Variants in CDH18 observed in about 807,000 individuals in gnomAD.
The protein encoded by CDH18 is cadherin-18.
In CDH18, 31 loss-of-function variants were observed where a neutral mutation model predicts 67.9. That is an observed-to-expected ratio of 0.46 (90% CI 0.34 to 0.62). The LOEUF (loss-of-function observed/expected upper bound fraction) is 0.62, where lower values mean the gene tolerates loss of function less well. Ranked by LOEUF, CDH18 falls within the 20% of genes least tolerant of loss-of-function variation. The pLI, the probability that CDH18 is intolerant of heterozygous loss-of-function variation, is 0.01. For missense variants in CDH18, 890 were observed against 975.5 expected, an observed-to-expected ratio of 0.91 and a Z score of 1.17; for synonymous variants, 362 against 347.2, an observed-to-expected ratio of 1.04 and a Z score of -0.48.
intron 1 of CDH18, among the ~76,000 whole-genome samples, chr5:20,373,641 A>G (rs1254137541): frequency 6.9e-6 from 1 of 145,536 alleles, no homozygotes. Flanking sequence ...TGAAAAATAA[A>G]TATAAATAAA....
chr5:19,548,481 G>A (rs984347994), intron 8 of CDH18, among the ~76,000 whole-genome samples: 4 of 151,864 alleles, frequency 2.6e-5, no homozygotes, highest in Admixed American at 6.6e-5. Flanking sequence ...ACTTAAATGC[G>A]TATATGAGTT....
chr5:20,104,397 C>T (rs1337753062), intron 2 of CDH18, among the ~76,000 whole-genome samples: 2 of 152,040 alleles, frequency 1.3e-5, no homozygotes, highest in African/African-American at 2.4e-5. Flanking sequence ...TGTAGGGATA[C>T]ATCTTAGCAT....
intron 2 of CDH18, among the ~76,000 whole-genome samples, chr5:20,181,553 CAT>C (rs1462992569): frequency 6.6e-6 from 1 of 152,074 alleles, no homozygotes; most frequent in Non-Finnish European, 1.5e-5. Context: ...TCCCCTGAAT[CAT>C]AGGAAATAAG....
chr5:20,453,745 T>G (rs145842667), intron 1 of CDH18, among the ~76,000 whole-genome samples: 1 of 152,164 alleles, frequency 6.6e-6, no homozygotes, highest in Non-Finnish European at 1.5e-5. Context: ...AATTAACAGC[T>G]CAGCTGTCAT....
rs549835339 is a variant in CDH18, at chr5:20,234,023, C to T, written c.-518+21421G>A. Among the ~76,000 whole-genome samples, 5 of 150,930 alleles carry T rather than the reference C, an allele frequency of 3.3e-5. No individual in the cohort carries two copies. In the East Asian group the frequency reaches 9.7e-4, roughly 29 times the overall value. ...CTGTTTCTCTCTTTTTTCCCAAACT[C>T]ACATGTACCATAATAACAACACTTT... is the stretch of plus-strand genomic sequence containing the variant. On this transcript the variant is annotated intron_variant, in intron 2 of 14. Coordinates refer to the CDH18 transcript ENST00000507958.
chr5:19,472,484 T>C lies in CDH18; in HGVS notation c.*742A>G, dbSNP rs112922669. On this transcript the variant is annotated 3_prime_UTR_variant, in exon 13 of 13. Coordinates refer to ENST00000382275, the MANE Select transcript of CDH18 (RefSeq NM_004934.5). ...AACATACCTTAAACTATTCTTTCTG[T>C]CCATTTAAAAATAGGAGTATCCCAT... Among the ~76,000 whole-genome samples the C allele has an allele frequency of 0.019, 2,844 of 152,260 alleles. 86 individuals are homozygous for C. The highest frequency in any genetic ancestry group is 0.064 in the African/African-American group (2,677 of 41,558).
intron 5 of CDH18, among the ~76,000 whole-genome samples, chr5:19,630,153 C>T (rs998277280): frequency 6.6e-6 from 1 of 151,910 alleles, no homozygotes; most frequent in East Asian, 1.9e-4. Context: ...TGTTAGCCAG[C>T]CTGGTCTTGA....
Position 19,846,901 on chromosome 5 carries a change from T to C in CDH18, c.-256-7659A>G, listed in dbSNP as rs190038980. 1.4e-4 allele frequency among the ~76,000 whole-genome samples: 20 copies of C among 146,048 alleles called. No homozygotes were observed. The East Asian group carries it at 3.9e-3, about 28-fold the overall frequency. ...CAGACTTGCTGGATATAATATTTTT[T>C]GTCGGCAAGATTTTTTTTCTTTTTC... is the stretch of plus-strand genomic sequence containing the variant. On this transcript the variant is annotated intron_variant, in intron 2 of 12. Coordinates refer to ENST00000382275, the MANE Select transcript of CDH18 (RefSeq NM_004934.5).
At chr5:20,500,264 T>C (rs1213354112) in intron 1 of CDH18, among the ~76,000 whole-genome samples, 1 of 152,090 alleles carries the variant, frequency 6.6e-6, no homozygotes, top group Non-Finnish European at 1.5e-5. Flanking sequence ...AACTTCTTCT[T>C]AGAAACTGTG....
At chr5:19,500,103 T>G (rs1742994332) in intron 11 of CDH18, among the ~76,000 whole-genome samples, 1 of 151,902 alleles carries the variant, frequency 6.6e-6, no homozygotes, top group Non-Finnish European at 1.5e-5. Flanking sequence ...TGTGGGCATG[T>G]AAATGTCACT....
At chr5:19,876,814 T>C (rs962265479) in intron 2 of CDH18, among the ~76,000 whole-genome samples, 4 of 152,114 alleles carry the variant, frequency 2.6e-5, no homozygotes, top group Non-Finnish European at 5.9e-5. Flanking sequence ...TGCTCCGGTT[T>C]TCCTGGGCAC....
rs76440019 is a variant in CDH18, at chr5:20,353,203, A to G, written c.-579-97698T>C. ...CTCCACTTTGCTTTTCAATTCAGTA[A>G]CTTTCAATTTGGTTTTCGTGTTTTG... is the stretch of plus-strand genomic sequence containing the variant. On this transcript the variant is annotated intron_variant, in intron 1 of 14. Transcript: ENST00000507958. 4.5e-3 allele frequency among the ~76,000 whole-genome samples: 689 copies of G among 152,166 alleles called. 9 individuals are homozygous for G. Among genetic ancestry groups the G allele is most frequent in the African/African-American group, 0.016 (661 of 41,532 alleles).
At chr5:20,088,488 C>A (rs1316041409) in intron 2 of CDH18, among the ~76,000 whole-genome samples, 1 of 152,136 alleles carries the variant, frequency 6.6e-6, no homozygotes, top group Admixed American at 6.5e-5. Context: ...TATTTCTTTT[C>A]TCCTGGATGA....
intron 2 of CDH18, among the ~76,000 whole-genome samples, chr5:20,111,836 C>G (rs1045470084): frequency 6.6e-6 from 1 of 152,076 alleles, no homozygotes; most frequent in Admixed American, 6.5e-5. Context: ...AGCCACCACG[C>G]CCAGCTGAAG....
At chr5:20,298,566 T>C (rs911458030) in intron 1 of CDH18, among the ~76,000 whole-genome samples, 1 of 152,148 alleles carries the variant, frequency 6.6e-6, no homozygotes, top group African/African-American at 2.4e-5. Flanking sequence ...ACTACATAGA[T>C]ACGACTTTGG....
At chr5:19,565,034 C>T (rs1387911876) in intron 8 of CDH18, among the ~76,000 whole-genome samples, 1 of 151,788 alleles carries the variant, frequency 6.6e-6, no homozygotes, top group East Asian at 1.9e-4. Flanking sequence ...GAATAGAGCA[C>T]CAAGTAGATT....
At chr5:20,392,364 G>A (rs1350428040) in intron 1 of CDH18, among the ~76,000 whole-genome samples, 1 of 151,780 alleles carries the variant, frequency 6.6e-6, no homozygotes, top group African/African-American at 2.4e-5. Flanking sequence ...TCATTTTTAT[G>A]TTTAAATGAT....
In CDH18 at chr5:20,116,539, C is replaced by A. The variant is rs570289608; in HGVS notation, c.-517-124525G>T. ...TTAAAAAAAAAAAAATTAAACTGTT[C>A]ATTTTCAATGGAATTATGAAACTAA... On this transcript the variant is annotated intron_variant, in intron 2 of 14. Transcript: ENST00000507958. Among the ~76,000 whole-genome samples, 89 of 151,704 alleles carry A rather than the reference C, an allele frequency of 5.9e-4. 1 individual carries two copies. Among genetic ancestry groups the A allele is most frequent in the Non-Finnish European group, 1.1e-3 (76 of 67,922 alleles).
chr5:20,477,942 C>T (rs1752548880), intron 1 of CDH18, among the ~76,000 whole-genome samples: 1 of 152,136 alleles, frequency 6.6e-6, no homozygotes, highest in Non-Finnish European at 1.5e-5. Flanking sequence ...GAACAGAGTC[C>T]TGAGGCCCCT....
Sources: allele counts gnomAD v4.1 joint callset (sites outside exome capture counted in the v4.1 genomes callset), GRCh38; gene constraint gnomAD v4.1.1; transcripts MANE v1.5; gene names NCBI Gene and HGNC (gene_info 2026-07-23, HGNC 2026-07-21).